The following PIN1 variants were observed in gnomAD, a reference collection of about 807,000 sequenced individuals.
PIN1 encodes peptidyl-prolyl cis-trans isomerase NIMA-interacting 1.
PIN1 carries 8 observed loss-of-function variants against 19.9 expected under a neutral mutation model. The observed-to-expected ratio is 0.40, with a 90% confidence interval of 0.24 to 0.72. PIN1 has a LOEUF of 0.72. Among genes scored for constraint, PIN1 ranks in the 30% least tolerant of loss-of-function variants. PIN1 has a pLI of 0.37. For missense variants in PIN1, 185 were observed against 226.5 expected (o/e 0.82, Z 1.18); for synonymous variants, 86 against 90.8 (o/e 0.95, Z 0.30).
At position 9,838,299 on chromosome 19, in the gene PIN1, CATG is replaced by C. The variant is rs1001228883; in HGVS notation, c.59-136_59-134del. 2.7e-6 allele frequency: 2 copies of C among 730,506 alleles called. No homozygotes were observed. Among genetic ancestry groups the C allele is most frequent in the African/African-American group, 3.5e-5 (2 of 57,550 alleles). The allele number at this position is 730,506 out of a possible 1,614,324, so 45.3% of individuals were successfully genotyped here. ...GCCCACGTCTGGAGAGCCTGTGGCA[CATG>C]GTGGATACACCATGGATTTGTTGAA... is the stretch of plus-strand genomic sequence containing the variant. On this transcript the variant is annotated intron_variant, in intron 1 of 3. Coordinates refer to ENST00000247970, the MANE Select transcript of PIN1 (RefSeq NM_006221.4). The surrounding 1 kb of genome is among the most constrained non-coding windows in gnomAD (Gnocchi z 5.8).
In PIN1 at chr19:9,835,412, G is replaced by C; in HGVS notation, c.58+10G>C. 6.7e-7 allele frequency: 1 copy of C among 1,503,550 alleles called. No homozygotes were observed. The highest frequency in any genetic ancestry group is 8.8e-7 in the Non-Finnish European group (1 of 1,132,536). The allele number at this position is 1,503,550 out of a possible 1,614,324, so 93.1% of individuals were successfully genotyped here. ...ATGAGCCGCAGCTCAGGTGCCGCGG[G>C]GGTCGGGGCTGGGGCGGGACTGCGC... On this transcript the variant is annotated intron_variant, in intron 1 of 3. Coordinates refer to ENST00000247970, the MANE Select transcript of PIN1 (RefSeq NM_006221.4).
chr19:9,848,743 C>T (rs1299403689), intron 3 of PIN1: 3 of 323,894 alleles, frequency 9.3e-6, no homozygotes, highest in East Asian at 1.5e-4. Flanking sequence ...AGCTGCCCAC[C>T]TCCTCCGAGG....
At chr19:9,835,581 C>T (rs2046094177) in intron 1 of PIN1, 179 bp downstream of exon 1, 2 of 542,808 alleles carry the variant, frequency 3.7e-6, no homozygotes, top group African/African-American at 4.0e-5. Context: ...GCCTCAGGAG[C>T]CGCCGGGAAG....
At chr19:9,839,771 C>T (rs1243985618) in intron 2 of PIN1, among the ~76,000 whole-genome samples, 1 of 152,178 alleles carries the variant, frequency 6.6e-6, no homozygotes, top group Non-Finnish European at 1.5e-5. Context: ...CCACCCTGTG[C>T]GGGAGGATCA....
At chr19:9,836,902 C>T (rs557086643) in intron 1 of PIN1, 83 of 1,240,748 alleles carry the variant, frequency 6.7e-5, no homozygotes, top group Non-Finnish European at 8.5e-5. Context: ...GCCATCTATA[C>T]AATAGAGATA....
chr19:9,848,636 CG>C lies in PIN1; in HGVS notation c.383-450del, dbSNP rs2046244471. On this transcript the variant is annotated intron_variant, in intron 3 of 3. Transcript: ENST00000247970. ...CCTCCTCTTCCTCCTCTTCAGTCCTCGGGGTCTACAGAAAAACATCAGGGAG... is the reference window on the plus strand; with the variant it reads ...CCTCCTCTTCCTCCTCTTCAGTCCTCGGGTCTACAGAAAAACATCAGGGAG... 1.3e-5 allele frequency: 3 copies of C among 236,580 alleles called. No homozygotes were observed. In the South Asian group the frequency reaches 1.7e-4, roughly 14 times the overall value. 14.7% of individuals were successfully genotyped at this position (236,580 alleles called of 1,614,324 possible).
In PIN1 at chr19:9,838,690, C is replaced by A. The variant is rs1292548881; in HGVS notation, c.271+42C>A. Reference sequence around the variant, plus strand: ...CAGGGGCTTGGGAGGGGGTCTTCTCCCAGGTGAGCCTTTGTAGAAGTCACA... The same window carrying A: ...CAGGGGCTTGGGAGGGGGTCTTCTCACAGGTGAGCCTTTGTAGAAGTCACA... On this transcript the variant is annotated intron_variant, in intron 2 of 3. Coordinates refer to ENST00000247970, the MANE Select transcript of PIN1 (RefSeq NM_006221.4). The surrounding 1 kb of genome is among the most constrained non-coding windows in gnomAD (Gnocchi z 5.8). 5 of 1,450,236 alleles carry A rather than the reference C, an allele frequency of 3.4e-6. No individual in the cohort carries two copies. The highest frequency in any genetic ancestry group is 2.0e-5 in the Admixed American group (1 of 50,554). 89.8% of individuals were successfully genotyped at this position (1,450,236 alleles called of 1,614,324 possible).
rs1470780214 is a variant in PIN1 at position 9,849,257 on chromosome 19, C to A, written c.*58C>A. ...GGCAGGGCGGCTAGGCCGGCCAGCT[C>A]CCCCTTGCCCGCCAGCCAGTGGCCG... On this transcript the variant is annotated 3_prime_UTR_variant, in exon 4 of 4. Transcript: ENST00000247970. The A allele has an allele frequency of 3.4e-6, 4 of 1,173,702 alleles. No individual in the cohort carries two copies. The South Asian group carries it at 5.1e-5, about 15-fold the overall frequency. 72.7% of individuals were successfully genotyped at this position (1,173,702 alleles called of 1,614,324 possible).
rs950851519 is a variant in PIN1, at chr19:9,838,988, C to T, written c.271+340C>T. 2.0e-5 allele frequency among the ~76,000 whole-genome samples: 3 copies of T among 152,122 alleles called. No individual in the cohort carries two copies. Among genetic ancestry groups the T allele is most frequent in the Admixed American group, 1.3e-4 (2 of 15,272 alleles). The stretch of plus-strand genomic sequence containing the variant: ...TCAGCTTTCTCTGTAAAATGGGCAT[C>T]CTCTAAGGACCATTGTGAAGGTTCA... On this transcript the variant is annotated intron_variant, in intron 2 of 3. Transcript: ENST00000247970. This position sits in a 1 kb window ranked among gnomAD's most constrained non-coding sequence, Gnocchi z 5.8.
Position 9,838,399 on chromosome 19 carries a change from C to T in PIN1, c.59-37C>T. On this transcript the variant is annotated intron_variant, in intron 1 of 3. Coordinates refer to ENST00000247970, the MANE Select transcript of PIN1 (RefSeq NM_006221.4). The surrounding 1 kb of genome is among the most constrained non-coding windows in gnomAD (Gnocchi z 5.8). ...TGGGCCCAGGGGTGTCCTGGGAGCA[C>T]AACCCTAGCTGAATTCCTGCCTGCC... 1 of 1,543,620 alleles carries T rather than the reference C, an allele frequency of 6.5e-7. No individual in the cohort carries two copies. Among genetic ancestry groups the T allele is most frequent in the Non-Finnish European group, 8.8e-7 (1 of 1,134,284 alleles).
Position 9,835,361 on chromosome 19 carries a change from A to G in PIN1, c.17A>G (p.Lys6Arg). The part of the protein sequence containing the change: MADEE[K>R]LPPGWEKRMS... ...GGAGGGAAGATGGCGGACGAGGAGA[A>G]GCTGCCGCCCGGCTGGGAGAAGCGC... The change falls in exon 1 of 4, where the codon AAG (lysine) becomes AGG (arginine). Residue 6 changes from lysine to arginine, a missense_variant. Coordinates refer to ENST00000247970, the MANE Select transcript of PIN1 (RefSeq NM_006221.4). 1 of 1,521,694 alleles carries G rather than the reference A, an allele frequency of 6.6e-7. No individual in the cohort carries two copies. Among genetic ancestry groups the G allele is most frequent in the Non-Finnish European group, 8.8e-7 (1 of 1,141,324 alleles). 94.3% of individuals were successfully genotyped at this position (1,521,694 alleles called of 1,614,324 possible).
chr19:9,835,508 C>T (rs1346830329), intron 1 of PIN1, 106 bp downstream of exon 1: 3 of 762,512 alleles, frequency 3.9e-6, no homozygotes, highest in Non-Finnish European at 5.7e-6. Context: ...CCCATGGGGT[C>T]CTGGCTCTTC....
intron 2 of PIN1, among the ~76,000 whole-genome samples, chr19:9,841,399 A>G (rs2046164756): frequency 6.6e-6 from 1 of 152,164 alleles, no homozygotes; most frequent in Non-Finnish European, 1.5e-5. Context: ...GCCAGTAGGA[A>G]GCAAGAAGGA....
intron 2 of PIN1, among the ~76,000 whole-genome samples, chr19:9,839,247 A>C (rs1356812623): frequency 6.6e-6 from 1 of 152,050 alleles, no homozygotes; most frequent in Non-Finnish European, 1.5e-5. Flanking sequence ...TAGCCTGGGC[A>C]GTATGGTGAA....
chr19:9,844,301 G>A (rs1209449269), intron 2 of PIN1, among the ~76,000 whole-genome samples: 1 of 152,188 alleles, frequency 6.6e-6, no homozygotes, highest in Admixed American at 6.5e-5. Flanking sequence ...AGGCTCCAAC[G>A]TGGGAGCAGC....
chr19:9,849,499 G>A lies in PIN1; in HGVS notation c.*300G>A, dbSNP rs372582123. On this transcript the variant is annotated 3_prime_UTR_variant, in exon 4 of 4. Transcript: ENST00000247970. ...GTGGGAGGGGTGTTCCAAAGAGAAGGCCTGGTCAGCAGAGCCGCCCCGTGT... is the reference window on the plus strand; with the variant it reads ...GTGGGAGGGGTGTTCCAAAGAGAAGACCTGGTCAGCAGAGCCGCCCCGTGT... 7.4e-6 allele frequency: 5 copies of A among 677,080 alleles called. No individual in the cohort carries two copies. The highest frequency in any genetic ancestry group is 3.6e-5 in the Admixed American group (2 of 56,124). 41.9% of individuals were successfully genotyped at this position (677,080 alleles called of 1,614,324 possible). A position where few individuals can be genotyped will look rare whatever the true frequency, so the allele number is the denominator to read the frequency against.
chr19:9,837,301 C>T (rs1227285247), intron 1 of PIN1: 1 of 158,674 alleles, frequency 6.3e-6, no homozygotes, highest in East Asian at 1.9e-4. Flanking sequence ...TTACAGGTGC[C>T]TGCCACCACG....
At chr19:9,835,940 A>G (rs2046099239) in intron 1 of PIN1, 1 of 153,192 alleles carries the variant, frequency 6.5e-6, no homozygotes, top group South Asian at 2.1e-4. Context: ...TAATATTGCC[A>G]GTAACAGGGC....
Position 9,848,121 on chromosome 19 carries a change from C to T in PIN1, c.363C>T (p.Asp121=), listed in dbSNP as rs373567733. ...SDCSSAKARG[D]LGAFSRGQMQ... Reference sequence around the variant, plus strand: ...GCAGCTCAGCCAAGGCCAGGGGAGACCTGGGTGCCTTCAGCAGAGGTGCGC... The same window carrying T: ...GCAGCTCAGCCAAGGCCAGGGGAGATCTGGGTGCCTTCAGCAGAGGTGCGC... Residue 121 remains aspartate, a synonymous_variant, in exon 3 of 4, where the codon GAC becomes GAT. Transcript: ENST00000247970. 4 of 1,609,654 alleles carry T rather than the reference C, an allele frequency of 2.5e-6. No homozygotes were observed. The highest frequency in any genetic ancestry group is 2.6e-6 in the Non-Finnish European group (3 of 1,176,008).
Sources: gnomAD v4.1 joint callset for allele counts (sites outside exome capture counted in the v4.1 genomes callset) on GRCh38, gnomAD v4.1.1 for gene constraint, Gnocchi (gnomAD v3.1) non-coding constraint, MANE v1.5 for transcripts, NCBI Gene and HGNC (gene_info 2026-07-23, HGNC 2026-07-21) for gene names.